The following ZSWIM5 variants were observed in gnomAD, a reference collection of about 807,000 sequenced individuals.
ZSWIM5 encodes the protein zinc finger SWIM-type containing 5.
A neutral mutation model predicts 119.6 loss-of-function variants in ZSWIM5; 55 were observed. The ratio of observed to expected loss-of-function variants is 0.46; its 90% CI spans 0.37 to 0.58. The LOEUF (loss-of-function observed/expected upper bound fraction) is 0.58. Among genes scored for constraint, ZSWIM5 ranks in the 20% least tolerant of loss-of-function variants. The probability of loss-of-function intolerance (pLI) is 0.00; values close to 1 mark genes in which losing one functional copy is unlikely to be tolerated. For synonymous variants in ZSWIM5, 537 were observed against 606.9 expected, an observed-to-expected ratio of 0.88 and a Z score of 1.69; for missense variants, 1,193 against 1,512.8, an observed-to-expected ratio of 0.79 and a Z score of 3.51.
chr1:45,099,663 A>G (rs966793129), intron 1 of ZSWIM5, among the ~76,000 whole-genome samples: 4 of 152,224 alleles, frequency 2.6e-5, no homozygotes, highest in African/African-American at 9.6e-5. Flanking sequence ...AATACTGGCA[A>G]ACCGAATCCA....
Position 45,072,735 on chromosome 1 carries a change from G to A in ZSWIM5, c.953-12488C>T, listed in dbSNP as rs759267507. Among the ~76,000 whole-genome samples, 5 of 151,894 alleles carry A rather than the reference G, an allele frequency of 3.3e-5. No individual in the cohort carries two copies. The highest frequency in any genetic ancestry group is 4.1e-4 in the South Asian group (2 of 4,830). ...TTTGTAACAAATGAGTTCAGTGTAC[G>A]TGTGTGGATTTGTTTCTAGGTTTTC... On this transcript the variant is annotated intron_variant, in intron 2 of 13. Transcript: ENST00000359600. This position sits in a 1 kb window ranked among gnomAD's most constrained non-coding sequence, Gnocchi z 4.1.
At chr1:45,167,632 AAAAC>A (rs911296189) in intron 1 of ZSWIM5, among the ~76,000 whole-genome samples, 9 of 152,162 alleles carry the variant, frequency 5.9e-5, no homozygotes, top group Non-Finnish European at 1.0e-4. Context: ...TACAAGAAAA[AAAAC>A]AAACAACCCC....
At chr1:45,196,187 T>G (rs1041649139) in intron 1 of ZSWIM5, among the ~76,000 whole-genome samples, 6 of 151,608 alleles carry the variant, frequency 4.0e-5, no homozygotes, top group Non-Finnish European at 7.4e-5. Flanking sequence ...GTGATCATTT[T>G]TCTACAACGG....
At chr1:45,134,230 T>C (rs1425610089) in intron 1 of ZSWIM5, among the ~76,000 whole-genome samples, 1 of 152,198 alleles carries the variant, frequency 6.6e-6, no homozygotes, top group Non-Finnish European at 1.5e-5. Context: ...ATACTGATTC[T>C]TCCTATCCAT....
At chr1:45,180,685 A>C (rs1413325202) in intron 1 of ZSWIM5, among the ~76,000 whole-genome samples, 1 of 152,112 alleles carries the variant, frequency 6.6e-6, no homozygotes, top group African/African-American at 2.4e-5. Flanking sequence ...GGCACCCCCC[A>C]GTAGGGGCAG....
In ZSWIM5 at chr1:45,206,204, G is replaced by T; in HGVS notation, c.147C>A (p.Ser49Arg). Residue 49 changes from serine to arginine, a missense_variant, in exon 1 of 14, where the codon AGC (serine) becomes AGA (arginine). Physicochemically the swap from Ser to Arg is moderately radical, Grantham distance 110 (BLOSUM62 -1). Coordinates refer to ENST00000359600, the MANE Select transcript of ZSWIM5 (RefSeq NM_020883.2). ...GGCGGGCCCCGAGGACCAGGCAGCTGCTGCCGACGCCCCCTGCCCCTCCGC... is the reference window on the plus strand; with the variant it reads ...GGCGGGCCCCGAGGACCAGGCAGCTTCTGCCGACGCCCCCTGCCCCTCCGC... ...AAGGGAGGVG[S>R]SCLVLGARPH... 1 of 1,595,124 alleles carries T rather than the reference G, an allele frequency of 6.3e-7. No homozygotes were observed. The highest frequency in any genetic ancestry group is 2.3e-5 in the East Asian group (1 of 43,764).
At chr1:45,177,524 T>C (rs1246322282) in intron 1 of ZSWIM5, among the ~76,000 whole-genome samples, 1 of 152,086 alleles carries the variant, frequency 6.6e-6, no homozygotes, top group Non-Finnish European at 1.5e-5. Flanking sequence ...AAAATATACC[T>C]TTAATAGCAA....
intron 1 of ZSWIM5, among the ~76,000 whole-genome samples, chr1:45,152,564 AACTGGACCACT>A (rs748845619): frequency 1.2e-4 from 19 of 152,274 alleles, no homozygotes; most frequent in Admixed American, 2.6e-4. Context: ...AGAAAAATGA[AACTGGACCACT>A]ACCTTTCACC....
chr1:45,063,876 G>A (rs1158647388), intron 2 of ZSWIM5, among the ~76,000 whole-genome samples: 2 of 152,054 alleles, frequency 1.3e-5, no homozygotes, highest in Non-Finnish European at 2.9e-5. Context: ...CAGGTACTTG[G>A]GAGGCTGAGG....
chr1:45,179,097 A>T (rs1307042525), intron 1 of ZSWIM5, among the ~76,000 whole-genome samples: 4 of 152,126 alleles, frequency 2.6e-5, no homozygotes, highest in Non-Finnish European at 1.5e-5. Context: ...CTTAGGAGTA[A>T]ATCCAACCAA....
chr1:45,205,619 T>G (rs1047900392), intron 1 of ZSWIM5, 137 bp downstream of exon 1: 2 of 932,340 alleles, frequency 2.1e-6, no homozygotes, highest in Non-Finnish European at 2.9e-6. Context: ...AAAAAAGTTT[T>G]TGTGACTTGT....
At chr1:45,139,478 T>C (rs1645714086) in intron 1 of ZSWIM5, among the ~76,000 whole-genome samples, 2 of 140,434 alleles carry the variant, frequency 1.4e-5, no homozygotes, top group South Asian at 4.9e-4. Flanking sequence ...CTCTCTCTTT[T>C]TTTTTTTTTT....
intron 2 of ZSWIM5, among the ~76,000 whole-genome samples, chr1:45,086,281 C>G (rs141040423): frequency 1.3e-5 from 2 of 152,184 alleles, no homozygotes; most frequent in East Asian, 3.8e-4. Flanking sequence ...CACAAGGCCC[C>G]TCCTCCAACA....
intron 11 of ZSWIM5, among the ~76,000 whole-genome samples, chr1:45,030,326 C>A (rs1043290200): frequency 6.6e-6 from 1 of 152,094 alleles, no homozygotes; most frequent in Non-Finnish European, 1.5e-5. Flanking sequence ...CGGCTCACTG[C>A]AACCTCTGCC....
In ZSWIM5 at chr1:45,019,398, T is replaced by G; in HGVS notation, c.2696-82A>C. 7 of 1,519,686 alleles carry G rather than the reference T, an allele frequency of 4.6e-6. No individual in the cohort carries two copies. Among genetic ancestry groups the G allele is most frequent in the Middle Eastern group, 2.2e-4 (1 of 4,492 alleles). 94.1% of individuals were successfully genotyped at this position (1,519,686 alleles called of 1,614,324 possible). A position where few individuals can be genotyped will look rare whatever the true frequency, so the allele number is the denominator to read the frequency against. On this transcript the variant is annotated intron_variant, in intron 13 of 13. Transcript: ENST00000359600. This position sits in a 1 kb window ranked among gnomAD's most constrained non-coding sequence, Gnocchi z 5.0. ...CCAGATTACCATTTGGGGTTTGAACTTGGCCTGCAGAGATGAATTCTTCCT... is the reference window on the plus strand; with the variant it reads ...CCAGATTACCATTTGGGGTTTGAACGTGGCCTGCAGAGATGAATTCTTCCT...
Position 45,040,556 on chromosome 1 carries a change from G to A in ZSWIM5, c.1610-18C>T. On this transcript the variant is annotated intron_variant, in intron 6 of 13. Transcript: ENST00000359600. ...CACATGCTCTACCAAGTAAGAAGAA[G>A]ATATTTTGGTCTAGTTAAAATTTCA... 6.4e-7 allele frequency: 1 copy of A among 1,565,340 alleles called. No homozygotes were observed. The highest frequency in any genetic ancestry group is 1.2e-5 in the South Asian group (1 of 81,322).
chr1:45,035,767 T>A lies in ZSWIM5; in HGVS notation c.2212A>T (p.Thr738Ser). 6.2e-7 allele frequency: 1 copy of A among 1,613,820 alleles called. No homozygotes were observed. The change falls in exon 10 of 14, where the codon ACC becomes TCC. Residue 738 changes from threonine (T) to serine (S), a missense_variant. Coordinates refer to ENST00000359600, the MANE Select transcript of ZSWIM5 (RefSeq NM_020883.2). ...VIHRESVPMH[T>S]FAKYLFSALL... ...GCTGAGAACAAATACTTGGCAAAGG[T>A]ATGCATGGGAACACTCTCTCGGTGG...
At chr1:45,067,456 A>T (rs1012284149) in intron 2 of ZSWIM5, among the ~76,000 whole-genome samples, 1 of 148,110 alleles carries the variant, frequency 6.8e-6, no homozygotes, top group Non-Finnish European at 1.5e-5. Flanking sequence ...AAAAAAAAAG[A>T]AAGAAAGAAA....
intron 1 of ZSWIM5, among the ~76,000 whole-genome samples, chr1:45,164,429 C>A (rs1645886921): frequency 6.6e-6 from 1 of 152,012 alleles, no homozygotes; most frequent in African/African-American, 2.4e-5. Context: ...GCAAAATAAC[C>A]AGCTAACATC....
Sources: allele counts gnomAD v4.1 joint callset (sites outside exome capture counted in the v4.1 genomes callset), GRCh38; gene constraint gnomAD v4.1.1; non-coding constraint Gnocchi (gnomAD v3.1); transcripts MANE v1.5; gene names NCBI Gene and HGNC (gene_info 2026-07-23, HGNC 2026-07-21).